Variants in PRELID2 observed in about 807,000 individuals in gnomAD.
PRELID2 encodes PRELI domain-containing protein 2.
Under a neutral mutation model 28.4 loss-of-function variants are expected in PRELID2, and 25 were observed. That is an observed-to-expected ratio of 0.88 (90% CI 0.64 to 1.23). PRELID2 has a LOEUF of 1.23. Ranked by LOEUF, PRELID2 falls within the 50% of genes most tolerant of loss-of-function variation. The pLI is 0.00. For missense variants in PRELID2, 201 were observed against 214.4 expected (o/e 0.94, Z 0.39); for synonymous variants, 76 against 71.6 (o/e 1.06, Z -0.31).
intron 1 of PRELID2, among the ~76,000 whole-genome samples, chr5:145,615,883 A>G (rs1414170338): frequency 1.3e-5 from 2 of 152,202 alleles, no homozygotes; most frequent in Non-Finnish European, 2.9e-5. Flanking sequence ...CTTCCAGGAT[A>G]TGTTTCAAGA....
At chr5:145,321,183 A>T in the PRELID2 span, among the ~76,000 whole-genome samples, 1 of 152,232 alleles carries the variant, frequency 6.6e-6, no homozygotes, top group East Asian at 1.9e-4. Flanking sequence ...GACATTGACT[A>T]GGAAGAAACC....
intron 1 of PRELID2, among the ~76,000 whole-genome samples, chr5:145,517,535 T>A (rs901147531): frequency 1.3e-5 from 2 of 152,178 alleles, no homozygotes; most frequent in African/African-American, 4.8e-5. Context: ...AATTTTACAC[T>A]GTTGGTGGGA....
At chr5:145,561,441 G>C (rs947334614) in intron 1 of PRELID2, among the ~76,000 whole-genome samples, 10 of 151,956 alleles carry the variant, frequency 6.6e-5, no homozygotes, top group African/African-American at 2.4e-4. Flanking sequence ...ATGTATTCTA[G>C]ATACACCAGT....
At chr5:145,791,547 A>C (rs1283089594) in intron 5 of PRELID2, among the ~76,000 whole-genome samples, 1 of 152,090 alleles carries the variant, frequency 6.6e-6, no homozygotes, top group African/African-American at 2.4e-5. Flanking sequence ...CAAAAAGTAG[A>C]ATGGTGGTTG....
At chr5:145,695,815 A>T (rs1353200743) in intron 1 of PRELID2, among the ~76,000 whole-genome samples, 1 of 152,074 alleles carries the variant, frequency 6.6e-6, no homozygotes, top group Non-Finnish European at 1.5e-5. Flanking sequence ...GTGTTTTATA[A>T]CGTAGCCTCA....
the PRELID2 span, among the ~76,000 whole-genome samples, chr5:145,339,054 A>C: frequency 6.6e-6 from 1 of 152,204 alleles, no homozygotes; most frequent in Non-Finnish European, 1.5e-5. Flanking sequence ...TAGCTGCCTC[A>C]TTATCCCCTA....
chr5:145,259,806 T>A, the PRELID2 span, among the ~76,000 whole-genome samples: 1 of 152,122 alleles, frequency 6.6e-6, no homozygotes, highest in African/African-American at 2.4e-5. Context: ...GGGGAAGGCA[T>A]GATTGCATTT....
At chr5:145,410,269 A>G in the PRELID2 span, among the ~76,000 whole-genome samples, 2 of 152,230 alleles carry the variant, frequency 1.3e-5, no homozygotes, top group African/African-American at 4.8e-5. Flanking sequence ...TTTATGACCA[A>G]GAATCCAAAA....
chr5:145,352,796 T>C, the PRELID2 span, among the ~76,000 whole-genome samples: 4 of 152,182 alleles, frequency 2.6e-5, no homozygotes, highest in Non-Finnish European at 5.9e-5. Flanking sequence ...ATCATCTCTC[T>C]CAAGTTCCTA....
At chr5:145,459,784 A>G in the PRELID2 span, among the ~76,000 whole-genome samples, 1 of 152,008 alleles carries the variant, frequency 6.6e-6, no homozygotes, top group African/African-American at 2.4e-5. Context: ...AATAGAATTT[A>G]TAGAAAACAT....
intron 1 of PRELID2, among the ~76,000 whole-genome samples, chr5:145,631,185 C>G (rs1433037): frequency 0.22 from 33,918 of 152,096 alleles, 7,146 homozygotes; most frequent in African/African-American, 0.55. Flanking sequence ...GTTGAGTCCA[C>G]TGATCCCCCA....
intron 1 of PRELID2, among the ~76,000 whole-genome samples, chr5:145,633,489 C>A (rs1753958719): frequency 1.3e-5 from 2 of 152,094 alleles, no homozygotes; most frequent in South Asian, 2.1e-4. Flanking sequence ...AGGCAAATGG[C>A]CAGCAACAGA....
At chr5:145,490,029 CTG>C (rs1752254959) in intron 1 of PRELID2, among the ~76,000 whole-genome samples, 1 of 152,152 alleles carries the variant, frequency 6.6e-6, no homozygotes, top group Admixed American at 6.5e-5. Flanking sequence ...GATGATACAT[CTG>C]TGCTATCTTA....
At chr5:145,364,946 T>C in the PRELID2 span, among the ~76,000 whole-genome samples, 2 of 152,018 alleles carry the variant, frequency 1.3e-5, no homozygotes, top group East Asian at 1.9e-4. Flanking sequence ...GGAAATTTAA[T>C]GTAAAAGTGC....
chr5:145,527,501 T>A (rs1158701044), intron 1 of PRELID2, among the ~76,000 whole-genome samples: 2 of 152,212 alleles, frequency 1.3e-5, no homozygotes, highest in African/African-American at 4.8e-5. Context: ...AACAAAATAA[T>A]CTTACTTATT....
At chr5:145,328,565 T>C in the PRELID2 span, among the ~76,000 whole-genome samples, 4 of 151,992 alleles carry the variant, frequency 2.6e-5, no homozygotes, top group African/African-American at 4.8e-5. Context: ...ATGTTTATTG[T>C]CCACATAAAT....
intron 1 of PRELID2, among the ~76,000 whole-genome samples, chr5:145,745,700 A>G (rs1336466003): frequency 2.0e-5 from 3 of 152,114 alleles, no homozygotes; most frequent in African/African-American, 7.2e-5. Context: ...CGTCTCTACT[A>G]AAAATAGAAA....
chr5:145,244,583 A>G, the PRELID2 span, among the ~76,000 whole-genome samples: 1 of 152,104 alleles, frequency 6.6e-6, no homozygotes. Context: ...CACGGCACAC[A>G]GACCCAGGGA....
At chr5:145,271,473 C>T in the PRELID2 span, among the ~76,000 whole-genome samples, 2 of 152,078 alleles carry the variant, frequency 1.3e-5, no homozygotes, top group African/African-American at 4.8e-5. Flanking sequence ...ACCTCAGCCT[C>T]CCAAAGTACT....
Sources: allele counts gnomAD v4.1 joint callset (sites outside exome capture counted in the v4.1 genomes callset), GRCh38; gene constraint gnomAD v4.1.1; transcripts MANE v1.5; gene names NCBI Gene and HGNC (gene_info 2026-07-23, HGNC 2026-07-21).